Variants in SPATA13 observed in about 807,000 individuals in gnomAD.
SPATA13 encodes the protein spermatogenesis associated 13.
SPATA13 carries 50 observed loss-of-function variants against 104.0 expected under a neutral mutation model. The observed-to-expected ratio is 0.48, with a 90% CI of 0.38 to 0.61. SPATA13 has a LOEUF of 0.61. SPATA13 is among the 20% of genes least tolerant of loss of function. SPATA13 has a pLI of 0.00. For synonymous variants in SPATA13, 606 were observed against 667.5 expected (o/e 0.91, Z 1.42); for missense variants, 1,524 against 1,690.6 (o/e 0.90, Z 1.73).
chr13:24,044,577 C>G (rs190431275), intron 3 of SPATA13, among the ~76,000 whole-genome samples: 19 of 152,254 alleles, frequency 1.2e-4, no homozygotes, highest in African/African-American at 3.8e-4. Flanking sequence ...GTACAGGGTA[C>G]AGTGTGATGT....
upstream of SPATA13, among the ~76,000 whole-genome samples, chr13:24,158,832 A>G (rs1882342853): frequency 6.6e-6 from 1 of 152,206 alleles, no homozygotes; most frequent in Non-Finnish European, 1.5e-5. Context: ...AGCAAGGTCC[A>G]GCACTCGCCC....
At position 24,288,998 on chromosome 13, in the gene SPATA13, G is replaced by C; in HGVS notation, c.2668-1G>C. The C allele has an allele frequency of 6.3e-7, 1 of 1,593,602 alleles. No individual in the cohort carries two copies. The highest frequency in any genetic ancestry group is 8.5e-7 in the Non-Finnish European group (1 of 1,173,466). ...AAAAGTATTACTTCTGTATTTTGCA[G>C]GGCTATATCCGACAGTGCCGCAAGC... On this transcript the variant is annotated splice_acceptor_variant, in intron 7 of 12. Transcript: ENST00000382108. LOFTEE classifies it high-confidence loss of function.
At chr13:24,067,797 C>G (rs774540077) in intron 3 of SPATA13, among the ~76,000 whole-genome samples, 1 of 152,086 alleles carries the variant, frequency 6.6e-6, no homozygotes, top group Non-Finnish European at 1.5e-5. Context: ...CTCTGCCTCC[C>G]AGGATCAAGT....
intron 3 of SPATA13, among the ~76,000 whole-genome samples, chr13:24,112,501 G>T (rs1335588536): frequency 6.6e-6 from 1 of 152,082 alleles, no homozygotes; most frequent in Non-Finnish European, 1.5e-5. Flanking sequence ...GCTCAGCCAC[G>T]GAAGTAGCAA....
At chr13:24,119,745 A>G (rs529194013) in intron 3 of SPATA13, among the ~76,000 whole-genome samples, 1 of 152,350 alleles carries the variant, frequency 6.6e-6, no homozygotes, top group Non-Finnish European at 1.5e-5. Context: ...TAAACAATTC[A>G]GGATTCCTGC....
chr13:24,214,117 G>A (rs1871166422), intron 1 of SPATA13, among the ~76,000 whole-genome samples: 1 of 152,182 alleles, frequency 6.6e-6, no homozygotes, highest in Admixed American at 6.5e-5. Flanking sequence ...ACTTCTATCT[G>A]GCCTTGACCT....
intron 3 of SPATA13, among the ~76,000 whole-genome samples, chr13:24,076,544 G>C (rs879874590): frequency 2.0e-5 from 3 of 152,096 alleles, no homozygotes; most frequent in Non-Finnish European, 4.4e-5. Flanking sequence ...TAACTGAGAA[G>C]AGTGAATATG....
intron 4 of SPATA13, among the ~76,000 whole-genome samples, chr13:24,274,141 C>T (rs1003462387): frequency 1.3e-5 from 2 of 152,174 alleles, no homozygotes; most frequent in African/African-American, 4.8e-5. Flanking sequence ...TTGGCTAACG[C>T]AGAGGTTTCC....
intron 3 of SPATA13, among the ~76,000 whole-genome samples, chr13:24,147,657 A>G (rs532199814): frequency 6.6e-6 from 1 of 151,692 alleles, no homozygotes; most frequent in South Asian, 2.1e-4. Context: ...ACCATGTTTA[A>G]GTCTATTAAG....
At chr13:24,214,972 C>G (rs1871201248) in intron 1 of SPATA13, among the ~76,000 whole-genome samples, 1 of 152,194 alleles carries the variant, frequency 6.6e-6, no homozygotes, top group Non-Finnish European at 1.5e-5. Context: ...CATTATTAAG[C>G]TGTGTCAAAG....
intron 3 of SPATA13, among the ~76,000 whole-genome samples, chr13:24,061,029 ACT>A (rs758515902): frequency 5.3e-5 from 8 of 152,146 alleles, no homozygotes; most frequent in Non-Finnish European, 1.2e-4. Context: ...ACAAAGCAAG[ACT>A]CTGCCCCGCA....
rs1026856560 is a variant in SPATA13 at position 24,165,021 on chromosome 13, A to G, written c.-112+4089A>G. 3.3e-5 allele frequency among the ~76,000 whole-genome samples: 5 copies of G among 152,138 alleles called. No individual in the cohort carries two copies. The East Asian group carries it at 7.7e-4, about 24-fold the overall frequency. ...TGGCGTCTGTGTTTCCTGTATATGT[A>G]TGTGGTTGTGGCCATGTGCTGTGGT... On this transcript the variant is annotated intron_variant, in intron 1 of 12. Coordinates refer to ENST00000382108, the MANE Select transcript of SPATA13 (RefSeq NM_001166271.3).
At chr13:24,179,248 G>A (rs1007505646) in intron 1 of SPATA13, among the ~76,000 whole-genome samples, 2 of 152,168 alleles carry the variant, frequency 1.3e-5, no homozygotes, top group African/African-American at 4.8e-5. Context: ...TTGTGTACAA[G>A]TTTTTATGTG....
intron 3 of SPATA13, among the ~76,000 whole-genome samples, chr13:24,130,475 G>A (rs1453329532): frequency 6.6e-6 from 1 of 152,242 alleles, no homozygotes; most frequent in African/African-American, 2.4e-5. Flanking sequence ...GCAAAGCGTG[G>A]TTGATGAGAA....
intron 1 of SPATA13, among the ~76,000 whole-genome samples, chr13:24,191,277 T>C (rs9511123): frequency 3.7e-4 from 57 of 152,072 alleles, no homozygotes; most frequent in African/African-American, 1.3e-3. Context: ...TGCCCAGCCA[T>C]ATTTTAAAAT....
At position 24,306,858 on chromosome 13, in the gene SPATA13, G is replaced by A. The variant is rs1877608662; in HGVS notation, c.*4085G>A. 6.6e-6 allele frequency: 1 copy of A among 152,174 alleles called. No individual in the cohort carries two copies. Among genetic ancestry groups the A allele is most frequent in the Non-Finnish European group, 1.5e-5 (1 of 68,034 alleles). The allele number at this position is 152,174 out of a possible 1,614,324, so 9.4% of individuals were successfully genotyped here. A position where few individuals can be genotyped will look rare whatever the true frequency, so the allele number is the denominator to read the frequency against. ...TTTAGCTCATTAACTTCAAGATGAT[G>A]TGTCATCTGTATAGGTCAAAGAATG... On this transcript the variant is annotated 3_prime_UTR_variant, in exon 13 of 13. Coordinates refer to ENST00000382108, the MANE Select transcript of SPATA13 (RefSeq NM_001166271.3).
intron 3 of SPATA13, among the ~76,000 whole-genome samples, chr13:24,093,653 T>C (rs1399486894): frequency 6.6e-6 from 1 of 152,220 alleles, no homozygotes; most frequent in East Asian, 1.9e-4. Context: ...AAATAGAAGC[T>C]TGGCTTGGTG....
At chr13:24,031,653 G>GCT (rs1877485964) in intron 3 of SPATA13, among the ~76,000 whole-genome samples, 1 of 152,142 alleles carries the variant, frequency 6.6e-6, no homozygotes, top group East Asian at 1.9e-4. Flanking sequence ...CTTATGTCAG[G>GCT]CACTGTAGAT....
At chr13:24,235,676 G>T (rs1395263193) in intron 2 of SPATA13, among the ~76,000 whole-genome samples, 1 of 152,210 alleles carries the variant, frequency 6.6e-6, no homozygotes, top group Non-Finnish European at 1.5e-5. Flanking sequence ...AGGATTGCTG[G>T]AGCCTAGGAG....
Sources: gnomAD v4.1 joint callset for allele counts (sites outside exome capture counted in the v4.1 genomes callset) on GRCh38, gnomAD v4.1.1 for gene constraint, MANE v1.5 for transcripts, NCBI Gene and HGNC (gene_info 2026-07-23, HGNC 2026-07-21) for gene names.